Variants in TLK2 observed in about 807,000 individuals in gnomAD.
The protein encoded by TLK2 is serine/threonine-protein kinase tousled-like 2.
A neutral mutation model predicts 117.3 loss-of-function variants in TLK2; 6 were observed. The observed-to-expected ratio is 0.05, with a 90% CI of 0.03 to 0.10. TLK2 has a LOEUF of 0.10. TLK2 is among the 10% of genes least tolerant of loss of function. The probability of loss-of-function intolerance (pLI) is 1.00; values close to 1 mark genes in which losing one functional copy is unlikely to be tolerated. For synonymous variants in TLK2, 257 were observed against 316.7 expected, an observed-to-expected ratio of 0.81 and a Z score of 2.00; for missense variants, 299 against 901.2, an observed-to-expected ratio of 0.33 and a Z score of 8.56.
chr17:62,582,559 T>C (rs1052320948), intron 15 of TLK2, among the ~76,000 whole-genome samples: 2 of 152,220 alleles, frequency 1.3e-5, no homozygotes, highest in African/African-American at 4.8e-5. Context: ...ATGTCTGCTT[T>C]CATTCCTTCT....
At position 62,591,471 on chromosome 17, in the gene TLK2, GCCGAAA is replaced by G. The variant is rs558658922; in HGVS notation, c.1461-5108_1461-5103del. On this transcript the variant is annotated intron_variant, in intron 16 of 21. Coordinates refer to ENST00000346027, the MANE Select transcript of TLK2 (RefSeq NM_006852.6). ...ACTTCAAAACATCCAGTCCAGTGGTGCCGAAACCGAAGCTCAGAGAGGTGGAGCCAC... is the reference window on the plus strand; with the variant it reads ...ACTTCAAAACATCCAGTCCAGTGGTGCCGAAGCTCAGAGAGGTGGAGCCAC... 2.9e-3 allele frequency among the ~76,000 whole-genome samples: 439 copies of G among 152,238 alleles called. 4 individuals are homozygous for G. The highest frequency in any genetic ancestry group is 0.017 in the Middle Eastern group (5 of 294).
intron 2 of TLK2, among the ~76,000 whole-genome samples, chr17:62,488,622 G>A (rs1441080062): frequency 6.6e-6 from 1 of 152,058 alleles, no homozygotes; most frequent in South Asian, 2.1e-4. Flanking sequence ...TGAAATTTCT[G>A]AAGTGTTTTT....
At chr17:62,517,543 C>T (rs750779330) in intron 2 of TLK2, among the ~76,000 whole-genome samples, 4 of 152,032 alleles carry the variant, frequency 2.6e-5, no homozygotes, top group East Asian at 1.9e-4. Flanking sequence ...TACAGGCGCC[C>T]GCCACTGCAC....
At chr17:62,573,188 T>C (rs1478341820) in intron 11 of TLK2, 27 bp from the exon 12 acceptor site, 1 of 1,591,412 alleles carries the variant, frequency 6.3e-7, no homozygotes, top group Admixed American at 1.8e-5. Context: ...ACTTTCTTTC[T>C]TTGTACAACG....
intron 17 of TLK2, 60 bp downstream of exon 17, chr17:62,596,734 C>G: frequency 2.1e-6 from 3 of 1,447,622 alleles, no homozygotes; most frequent in Non-Finnish European, 2.9e-6. Flanking sequence ...GCTGATTGTT[C>G]ATGGAATAGA....
At chr17:62,563,954 C>T (rs527572388) in intron 10 of TLK2, among the ~76,000 whole-genome samples, 10 of 152,210 alleles carry the variant, frequency 6.6e-5, no homozygotes, top group African/African-American at 1.7e-4. Flanking sequence ...TTTGGAACAT[C>T]AAACTGGAAG....
intron 2 of TLK2, among the ~76,000 whole-genome samples, chr17:62,490,211 C>G (rs1269071330): frequency 3.9e-5 from 6 of 152,368 alleles, no homozygotes; most frequent in South Asian, 4.1e-4. Context: ...TAAACATATA[C>G]TAGACCTTCT....
chr17:62,497,716 CAG>C (rs1386774247), intron 2 of TLK2, among the ~76,000 whole-genome samples: 1 of 152,122 alleles, frequency 6.6e-6, no homozygotes, highest in African/African-American at 2.4e-5. Flanking sequence ...TCTTTTGAGA[CAG>C]AGTTTTGCTC....
intron 2 of TLK2, among the ~76,000 whole-genome samples, chr17:62,487,120 G>A (rs1265075895): frequency 6.6e-6 from 1 of 151,944 alleles, no homozygotes; most frequent in Non-Finnish European, 1.5e-5. Flanking sequence ...GCCAAAACCC[G>A]TCTCTACTAA....
At chr17:62,574,217 T>C (rs1219364118) in intron 12 of TLK2, 2 of 1,394,716 alleles carry the variant, frequency 1.4e-6, no homozygotes, top group Non-Finnish European at 1.9e-6. Flanking sequence ...TAGAAGTGCA[T>C]CTTCTTTCAT....
chr17:62,577,056 G>C (rs1456943788), intron 13 of TLK2, among the ~76,000 whole-genome samples: 1 of 143,296 alleles, frequency 7.0e-6, no homozygotes, highest in Non-Finnish European at 1.5e-5. Context: ...TCCACCTCCC[G>C]GGCTCAAGCG....
At chr17:62,576,493 A>G (rs1307424646) in intron 12 of TLK2, among the ~76,000 whole-genome samples, 2 of 152,114 alleles carry the variant, frequency 1.3e-5, no homozygotes, top group Admixed American at 1.3e-4. Context: ...TATGTTTTGC[A>G]AATTAGACTT....
At chr17:62,565,374 G>A (rs1014288409) in intron 11 of TLK2, among the ~76,000 whole-genome samples, 1 of 152,160 alleles carries the variant, frequency 6.6e-6, no homozygotes, top group Non-Finnish European at 1.5e-5. Context: ...ATGAGTTCAG[G>A]CCAGGCGCGG....
chr17:62,557,922 T>C (rs2078978180), intron 9 of TLK2, among the ~76,000 whole-genome samples: 1 of 152,224 alleles, frequency 6.6e-6, no homozygotes, highest in African/African-American at 2.4e-5. Context: ...TGTTGCAGTC[T>C]TTATTTGTAT....
rs765448781 is a variant in TLK2, at chr17:62,580,174, T to C, written c.1350T>C (p.Gly450=). The change falls in exon 15 of 22, where the codon GGT becomes GGC. Residue 450 remains glycine, a synonymous_variant. Transcript: ENST00000346027. ...TGTTACATCTTTTGGGTAGAGGAGG[T>C]TTCAGTGAAGTTTACAAGGTAAGTA... ...YLLLHLLGRG[G]FSEVYKAFDL... The C allele has an allele frequency of 6.2e-7, 1 of 1,611,672 alleles. No homozygotes were observed. The highest frequency in any genetic ancestry group is 1.7e-5 in the Admixed American group (1 of 59,842).
intron 1 of TLK2, among the ~76,000 whole-genome samples, chr17:62,471,312 A>ACAAATGC (rs2070935623): frequency 6.6e-6 from 1 of 152,160 alleles, no homozygotes; most frequent in African/African-American, 2.4e-5. Context: ...AGGGCATTTG[A>ACAAATGC]CAAATGCCAG....
chr17:62,535,823 C>CT (rs1254512497), intron 6 of TLK2, among the ~76,000 whole-genome samples: 1 of 151,820 alleles, frequency 6.6e-6, no homozygotes, highest in Non-Finnish European at 1.5e-5. Flanking sequence ...GGGACAATGT[C>CT]TTAATTTTCA....
At chr17:62,609,196 C>T (rs996654347) in intron 21 of TLK2, among the ~76,000 whole-genome samples, 16 of 152,330 alleles carry the variant, frequency 1.1e-4, no homozygotes, top group African/African-American at 3.6e-4. Flanking sequence ...GATCCTCCCA[C>T]CTCTGCCTCC....
intron 15 of TLK2, among the ~76,000 whole-genome samples, chr17:62,580,552 C>T (rs1026859052): frequency 1.3e-5 from 2 of 152,146 alleles, no homozygotes; most frequent in Admixed American, 6.5e-5. Flanking sequence ...ATGTGTCAAA[C>T]CTGTTTCCAA....
Sources: gnomAD v4.1 joint callset for allele counts (sites outside exome capture counted in the v4.1 genomes callset) on GRCh38, gnomAD v4.1.1 for gene constraint, MANE v1.5 for transcripts, NCBI Gene and HGNC (gene_info 2026-07-23, HGNC 2026-07-21) for gene names.